Variants in CLOCK observed in about 807,000 individuals in gnomAD.
CLOCK encodes circadian locomoter output cycles protein kaput.
A neutral mutation model predicts 118.4 loss-of-function variants in CLOCK; 43 were observed. That is an observed-to-expected ratio of 0.36 (90% CI 0.28 to 0.47). CLOCK has a LOEUF of 0.47. CLOCK is among the 20% of genes least tolerant of loss of function. CLOCK has a pLI of 1.00. For synonymous variants in CLOCK, 326 were observed against 339.2 expected (o/e 0.96, Z 0.43); for missense variants, 846 against 999.9 (o/e 0.85, Z 2.08).
intron 1 of CLOCK, among the ~76,000 whole-genome samples, chr4:55,533,708 G>C (rs879616678): frequency 2.6e-5 from 4 of 152,002 alleles, no homozygotes; most frequent in Non-Finnish European, 5.9e-5. Flanking sequence ...TTTGAGACCA[G>C]CTTGGCCAAC....
chr4:55,458,753 G>T (rs1345589856), intron 11 of CLOCK, 139 bp downstream of exon 11: 1 of 660,826 alleles, frequency 1.5e-6, no homozygotes, highest in Non-Finnish European at 2.7e-6. Flanking sequence ...TGAGTGTCTT[G>T]ATAACTCATC....
intron 1 of CLOCK, among the ~76,000 whole-genome samples, chr4:55,521,813 A>C (rs75877203): frequency 0.04 from 6,025 of 152,186 alleles, 169 homozygotes; most frequent in South Asian, 0.15. Flanking sequence ...TATGGTATGC[A>C]TATATGAGTG....
In CLOCK at chr4:55,428,378, A is replaced by G. The variant is rs1344493589; in HGVS notation, c.*7037T>C. 6.6e-6 allele frequency: 1 copy of G among 152,242 alleles called. No homozygotes were observed. Among genetic ancestry groups the G allele is most frequent in the Non-Finnish European group, 1.5e-5 (1 of 68,040 alleles). The allele number at this position is 152,242 out of a possible 1,614,324, so 9.4% of individuals were successfully genotyped here. A position where few individuals can be genotyped will look rare whatever the true frequency, so the allele number is the denominator to read the frequency against. On this transcript the variant is annotated 3_prime_UTR_variant, in exon 23 of 23. Coordinates refer to ENST00000513440, the MANE Select transcript of CLOCK (RefSeq NM_004898.4). Reference sequence around the variant, plus strand: ...AACAAAACGATCCACATTTTATACAATATTGTATTTCCAAACATACATAGG... The same window carrying G: ...AACAAAACGATCCACATTTTATACAGTATTGTATTTCCAAACATACATAGG...
At chr4:55,464,268 C>T (rs1725575548) in intron 8 of CLOCK, among the ~76,000 whole-genome samples, 1 of 152,100 alleles carries the variant, frequency 6.6e-6, no homozygotes, top group Non-Finnish European at 1.5e-5. Flanking sequence ...GGCATTTATC[C>T]TGCATCCCAT....
At chr4:55,444,306 A>G (rs73151872) in intron 19 of CLOCK, among the ~76,000 whole-genome samples, 2,057 of 152,286 alleles carry the variant, frequency 0.014, 45 homozygotes, top group African/African-American at 0.047. Context: ...ATTACTGATG[A>G]TTGATTTATA....
intron 2 of CLOCK, among the ~76,000 whole-genome samples, chr4:55,500,621 G>A (rs1728373987): frequency 6.6e-6 from 1 of 152,106 alleles, no homozygotes. Flanking sequence ...AAATTGCTGG[G>A]ATTAAAGGCA....
Position 55,431,392 on chromosome 4 carries a change from G to C in CLOCK, c.*4023C>G. 6.6e-6 allele frequency: 1 copy of C among 152,166 alleles called. No individual in the cohort carries two copies. The highest frequency in any genetic ancestry group is 3.2e-3 in the Middle Eastern group (1 of 316). The allele number at this position is 152,166 out of a possible 1,614,324, so 9.4% of individuals were successfully genotyped here. On this transcript the variant is annotated 3_prime_UTR_variant, in exon 23 of 23. Coordinates refer to ENST00000513440, the MANE Select transcript of CLOCK (RefSeq NM_004898.4). Reference sequence around the variant, plus strand: ...ATATATTAAATATACTATAAAAATAGTCGATTCTATTCCTTTGCAATTACT... The same window carrying C: ...ATATATTAAATATACTATAAAAATACTCGATTCTATTCCTTTGCAATTACT...
chr4:55,528,007 G>C (rs1730314638), intron 1 of CLOCK, among the ~76,000 whole-genome samples: 1 of 149,756 alleles, frequency 6.7e-6, no homozygotes, highest in South Asian at 2.1e-4. Context: ...ACTTCAGCCT[G>C]AGCAACACAG....
intron 8 of CLOCK, among the ~76,000 whole-genome samples, chr4:55,468,311 AG>A (rs1007620856): frequency 3.3e-5 from 5 of 152,098 alleles, no homozygotes; most frequent in Non-Finnish European, 7.3e-5. Flanking sequence ...TTATACCATG[AG>A]CTCCATCTTC....
intron 1 of CLOCK, among the ~76,000 whole-genome samples, chr4:55,514,316 C>T (rs773850748): frequency 9.2e-5 from 14 of 152,170 alleles, no homozygotes; most frequent in African/African-American, 2.6e-4. Flanking sequence ...AATTCAGTGA[C>T]GCTCTTTACT....
At chr4:55,437,305 A>T (rs1560410731) in intron 22 of CLOCK, among the ~76,000 whole-genome samples, 1 of 152,208 alleles carries the variant, frequency 6.6e-6, no homozygotes, top group East Asian at 1.9e-4. Flanking sequence ...ATTGATGATA[A>T]GTGCCCAGCC....
chr4:55,517,055 T>C (rs572394433), intron 1 of CLOCK, among the ~76,000 whole-genome samples: 1 of 152,332 alleles, frequency 6.6e-6, no homozygotes, highest in East Asian at 1.9e-4. Context: ...TATATAAGCA[T>C]ACATAATTGA....
chr4:55,443,743 T>C lies in CLOCK; in HGVS notation c.1846A>G (p.Ile616Val). The stretch of plus-strand genomic sequence containing the variant: ...TGTATCATGTGCTGAGTTGTGCCAA[T>C]GTGTCCAGTATTCATTCCACTTTGA... ...QIQSGMNTGH[I>V]GTTQHMIQQQ... The change falls in exon 20 of 23, where the codon ATT (isoleucine) becomes GTT (valine). Residue 616 changes from isoleucine to valine, a missense_variant. Ile to Val is a conservative substitution (Grantham distance 29). Coordinates refer to ENST00000513440, the MANE Select transcript of CLOCK (RefSeq NM_004898.4). 1 of 1,614,162 alleles carries C rather than the reference T, an allele frequency of 6.2e-7. No individual in the cohort carries two copies. Among genetic ancestry groups the C allele is most frequent in the Non-Finnish European group, 8.5e-7 (1 of 1,180,002 alleles).
intron 3 of CLOCK, among the ~76,000 whole-genome samples, chr4:55,487,790 G>T (rs137983113): frequency 6.6e-6 from 1 of 152,302 alleles, no homozygotes; most frequent in African/African-American, 2.4e-5. Context: ...GTGCCAAGAA[G>T]TTTGTTTCAG....
At chr4:55,488,051 C>T (rs1727412937) in intron 3 of CLOCK, among the ~76,000 whole-genome samples, 1 of 152,196 alleles carries the variant, frequency 6.6e-6, no homozygotes, top group Admixed American at 6.5e-5. Context: ...CCCACCACTC[C>T]ACTCAAATTG....
chr4:55,457,684 C>T (rs1043260482), intron 11 of CLOCK, among the ~76,000 whole-genome samples: 7 of 152,334 alleles, frequency 4.6e-5, no homozygotes, highest in East Asian at 3.9e-4. Context: ...TAACCCTAGA[C>T]TCTAGTCATA....
chr4:55,430,328 C>A lies in CLOCK; in HGVS notation c.*5087G>T, dbSNP rs1722415974. ...AGCTTACAAAATACTGTTATAAACA[C>A]TCACAACAAAACCTGCAGAGTATTT... On this transcript the variant is annotated 3_prime_UTR_variant, in exon 23 of 23. Transcript: ENST00000513440. 1 of 150,204 alleles carries A rather than the reference C, an allele frequency of 6.7e-6. No homozygotes were observed. The highest frequency in any genetic ancestry group is 1.9e-4 in the East Asian group (1 of 5,200). 9.3% of individuals were successfully genotyped at this position (150,204 alleles called of 1,614,324 possible). A position where few individuals can be genotyped will look rare whatever the true frequency, so the allele number is the denominator to read the frequency against.
At chr4:55,462,678 T>C (rs1203372970) in intron 9 of CLOCK, among the ~76,000 whole-genome samples, 4 of 152,220 alleles carry the variant, frequency 2.6e-5, no homozygotes, top group African/African-American at 4.8e-5. Flanking sequence ...GTATCTATTA[T>C]ATACAGCCTA....
intron 15 of CLOCK, among the ~76,000 whole-genome samples, chr4:55,450,644 T>G (rs528152284): frequency 7.9e-5 from 12 of 152,102 alleles, no homozygotes; most frequent in Non-Finnish European, 1.6e-4. Context: ...GGCAGATGCC[T>G]TGTGATCCCA....
Sources: gnomAD v4.1 joint callset for allele counts (sites outside exome capture counted in the v4.1 genomes callset) on GRCh38, gnomAD v4.1.1 for gene constraint, MANE v1.5 for transcripts, NCBI Gene and HGNC (gene_info 2026-07-23, HGNC 2026-07-21) for gene names.